Variants in PPP2R3A observed in about 807,000 individuals in gnomAD.
The protein encoded by PPP2R3A is protein phosphatase 2 regulatory subunit B''alpha.
PPP2R3A carries 80 observed loss-of-function variants against 106.9 expected under a neutral mutation model. The ratio of observed to expected loss-of-function variants is 0.75; its 90% CI spans 0.62 to 0.90. PPP2R3A has a LOEUF of 0.90. Ranked by LOEUF, PPP2R3A falls within the 40% of genes least tolerant of loss-of-function variation. PPP2R3A has a pLI of 0.00. For synonymous variants in PPP2R3A, 483 were observed against 468.3 expected (o/e 1.03, Z -0.41); for missense variants, 1,386 against 1,350.4 (o/e 1.03, Z -0.41).
intron 4 of PPP2R3A, among the ~76,000 whole-genome samples, chr3:136,045,987 C>A (rs1050587854): frequency 6.6e-6 from 1 of 152,024 alleles, no homozygotes; most frequent in African/African-American, 2.4e-5. Context: ...AGTTCAAGAC[C>A]AGCCTAGGTA....
rs962087950 is a variant in PPP2R3A, at chr3:136,001,281, T to C, written c.-218T>C. 8.5e-6 allele frequency: 4 copies of C among 471,140 alleles called. No homozygotes were observed. The Admixed American group carries it at 1.1e-4, about 13-fold the overall frequency. 29.2% of individuals were successfully genotyped at this position (471,140 alleles called of 1,614,324 possible). A position where few individuals can be genotyped will look rare whatever the true frequency, so the allele number is the denominator to read the frequency against. Reference sequence around the variant, plus strand: ...AAAATTAAAAAGCACAATTATTAAATTATTAAATTTGCCACACATGTGCAG... The same window carrying C: ...AAAATTAAAAAGCACAATTATTAAACTATTAAATTTGCCACACATGTGCAG... On this transcript the variant is annotated 5_prime_UTR_variant, in exon 2 of 14. Transcript: ENST00000264977.
chr3:136,117,060 A>C (rs1029484403), intron 13 of PPP2R3A, among the ~76,000 whole-genome samples: 1 of 152,192 alleles, frequency 6.6e-6, no homozygotes, highest in Non-Finnish European at 1.5e-5. Flanking sequence ...AGTGCAATCA[A>C]ATTAGAACTC....
intron 7 of PPP2R3A, 88 bp downstream of exon 7, chr3:136,078,541 TCAA>T (rs1936670529): frequency 3.7e-6 from 3 of 804,938 alleles, no homozygotes; most frequent in Non-Finnish European, 6.1e-6. Context: ...CTTACTCTAT[TCAA>T]AGCACTGTCA....
In PPP2R3A at chr3:136,122,037, G is replaced by A. The variant is rs564075600; in HGVS notation, c.3329+15715G>A. On this transcript the variant is annotated intron_variant, in intron 13 of 13. Transcript: ENST00000264977. ...AAAAAATCAAAAAAATACAAATTAC[G>A]ATCTTTTTAGAACCAGACAATGAAA... 3.3e-5 allele frequency among the ~76,000 whole-genome samples: 5 copies of A among 152,168 alleles called. No individual in the cohort carries two copies. The South Asian group carries it at 6.2e-4, about 19-fold the overall frequency.
At chr3:135,975,061 G>A (rs1216604742) in intron 1 of PPP2R3A, among the ~76,000 whole-genome samples, 1 of 152,198 alleles carries the variant, frequency 6.6e-6, no homozygotes, top group Non-Finnish European at 1.5e-5. Context: ...TGGCCCAGCT[G>A]TTAGCATTTT....
rs1213284371 is a variant in PPP2R3A, at chr3:136,146,784, T to C, written c.*1618T>C. On this transcript the variant is annotated 3_prime_UTR_variant, in exon 14 of 14. Transcript: ENST00000264977. ...GATAAATTATTAAGATTAAGATTAT[T>C]TATGTGATAAATGAAATCTCCTACC... 1 of 152,080 alleles carries C rather than the reference T, an allele frequency of 6.6e-6. No homozygotes were observed. Among genetic ancestry groups the C allele is most frequent in the Non-Finnish European group, 1.5e-5 (1 of 68,016 alleles). 9.4% of individuals were successfully genotyped at this position (152,080 alleles called of 1,614,324 possible). A position where few individuals can be genotyped will look rare whatever the true frequency, so the allele number is the denominator to read the frequency against.
intron 1 of PPP2R3A, among the ~76,000 whole-genome samples, chr3:135,966,216 A>G (rs943432899): frequency 2.0e-5 from 3 of 152,082 alleles, no homozygotes; most frequent in African/African-American, 7.2e-5. Flanking sequence ...GCCCTCGGGA[A>G]CTTGTTAACA....
rs548075977 is a variant in PPP2R3A, at chr3:136,001,740, C to T, written c.242C>T (p.Ser81Leu). Residue 81 changes from serine to leucine, a missense_variant, in exon 2 of 14, where the codon TCG becomes TTG. Coordinates refer to ENST00000264977, the MANE Select transcript of PPP2R3A (RefSeq NM_002718.5). The part of the protein sequence containing the change: ...MFLPHENGLS[S>L]AEGDYPQQAF... ...CTACCCCATGAAAATGGGCTTTCTTCGGCTGAAGGAGACTATCCCCAACAG... is the reference window on the plus strand; with the variant it reads ...CTACCCCATGAAAATGGGCTTTCTTTGGCTGAAGGAGACTATCCCCAACAG... 6.4e-5 allele frequency: 104 copies of T among 1,614,002 alleles called. No homozygotes were observed. The highest frequency in any genetic ancestry group is 1.6e-4 in the Middle Eastern group (1 of 6,084).
chr3:136,103,288 G>T lies in PPP2R3A; in HGVS notation c.3134G>T (p.Cys1045Phe), dbSNP rs748668898. 3.1e-6 allele frequency: 5 copies of T among 1,608,610 alleles called. No individual in the cohort carries two copies. The highest frequency in any genetic ancestry group is 4.3e-6 in the Non-Finnish European group (5 of 1,175,396). ...ATAACTCTAAGAGATCTGAAGAGGT[G>T]CAGAATGGCTCACATCTTCTATGAC... ...GKITLRDLKR[C>F]RMAHIFYDTF... The change falls in exon 12 of 14, where the codon TGC (cysteine) becomes TTC (phenylalanine). Residue 1045 changes from cysteine to phenylalanine, a missense_variant. Cys to Phe is a radical substitution (Grantham distance 205). Coordinates refer to ENST00000264977, the MANE Select transcript of PPP2R3A (RefSeq NM_002718.5).
At chr3:135,989,583 CAAAA>C (rs1193026272) in intron 1 of PPP2R3A, among the ~76,000 whole-genome samples, 1 of 151,730 alleles carries the variant, frequency 6.6e-6, no homozygotes, top group African/African-American at 2.4e-5. Context: ...GTCTGGAACA[CAAAA>C]AAATCTCCTG....
chr3:136,003,818 A>G (rs1312232666), intron 2 of PPP2R3A, among the ~76,000 whole-genome samples: 1 of 152,206 alleles, frequency 6.6e-6, no homozygotes, highest in South Asian at 2.1e-4. Flanking sequence ...ATAAGGATCA[A>G]AATAACTTGT....
At chr3:136,138,217 G>A (rs1010941372) in intron 13 of PPP2R3A, among the ~76,000 whole-genome samples, 5 of 152,098 alleles carry the variant, frequency 3.3e-5, no homozygotes, top group Non-Finnish European at 5.9e-5. Flanking sequence ...CCATATCAAA[G>A]CCCAATTTTA....
At chr3:136,028,570 C>G (rs1934749831) in intron 3 of PPP2R3A, among the ~76,000 whole-genome samples, 1 of 152,198 alleles carries the variant, frequency 6.6e-6, no homozygotes, top group Admixed American at 6.5e-5. Flanking sequence ...TGTCATCTCC[C>G]TGGACATGTG....
chr3:136,003,390 C>G lies in PPP2R3A; in HGVS notation c.1892C>G (p.Thr631Ser). 6.2e-7 allele frequency: 1 copy of G among 1,613,984 alleles called. No homozygotes were observed. Among genetic ancestry groups the G allele is most frequent in the Admixed American group, 1.7e-5 (1 of 59,998 alleles). ...MMQILQETLT[T>S]SSQANLSVCR... Reference sequence around the variant, plus strand: ...CAAATTCTACAGGAAACCTTGACAACTTCCTCCCAGGCCAATTTATCAGTC... The same window carrying G: ...CAAATTCTACAGGAAACCTTGACAAGTTCCTCCCAGGCCAATTTATCAGTC... The change falls in exon 2 of 14, where the codon ACT becomes AGT. Residue 631 changes from threonine to serine, a missense_variant. Transcript: ENST00000264977.
At chr3:136,068,985 A>C (rs1364995266) in intron 5 of PPP2R3A, among the ~76,000 whole-genome samples, 1 of 152,228 alleles carries the variant, frequency 6.6e-6, no homozygotes, top group Non-Finnish European at 1.5e-5. Context: ...GACAGTCTAC[A>C]GAATAACTGA....
chr3:136,058,324 C>A (rs1467799645), intron 5 of PPP2R3A, among the ~76,000 whole-genome samples: 2 of 152,160 alleles, frequency 1.3e-5, no homozygotes, highest in Admixed American at 1.3e-4. Context: ...AGCAAAGTCT[C>A]AGGATACAAA....
chr3:136,001,165 G>A lies in PPP2R3A; in HGVS notation c.-334G>A. On this transcript the variant is annotated 5_prime_UTR_variant, in exon 2 of 14. Transcript: ENST00000264977. ...AAGATTTATGATAGTAAATTTATGA[G>A]AGCAAATTTCCATGTTATAGAACTG... 2.4e-6 allele frequency: 1 copy of A among 410,622 alleles called. No individual in the cohort carries two copies. Among genetic ancestry groups the A allele is most frequent in the Non-Finnish European group, 4.3e-6 (1 of 233,856 alleles). 25.4% of individuals were successfully genotyped at this position (410,622 alleles called of 1,614,324 possible).
At chr3:136,012,529 G>T (rs534229536) in intron 2 of PPP2R3A, among the ~76,000 whole-genome samples, 1 of 152,172 alleles carries the variant, frequency 6.6e-6, no homozygotes, top group South Asian at 2.1e-4. Context: ...TAGAGAATTA[G>T]GCTGGGAACA....
At chr3:135,985,403 T>TCTCCCTCTCTCCCTCG in intron 1 of PPP2R3A, among the ~76,000 whole-genome samples, 2 of 139,276 alleles carry the variant, frequency 1.4e-5, no homozygotes, top group Non-Finnish European at 3.2e-5. Flanking sequence ...TCTCTCCCTC[T>TCTCCCTCTCTCCCTCG]CTCTCTCGCT....
Sources: allele counts gnomAD v4.1 joint callset (sites outside exome capture counted in the v4.1 genomes callset), GRCh38; gene constraint gnomAD v4.1.1; transcripts MANE v1.5; gene names NCBI Gene and HGNC (gene_info 2026-07-23, HGNC 2026-07-21).